Variants in NTRK3 observed in about 807,000 individuals in gnomAD.
NTRK3 encodes NT-3 growth factor receptor.
NTRK3 carries 24 observed loss-of-function variants against 91.7 expected under a neutral mutation model. The observed-to-expected ratio is 0.26, with a 90% CI of 0.19 to 0.37. The LOEUF is 0.37. Ranked by LOEUF, NTRK3 falls within the 10% of genes least tolerant of loss-of-function variation. The probability of loss-of-function intolerance (pLI) is 1.00; values close to 1 mark genes in which losing one functional copy is unlikely to be tolerated. For synonymous variants in NTRK3, 483 were observed against 404.0 expected (o/e 1.20, Z -2.34); for missense variants, 880 against 1,068.9 (o/e 0.82, Z 2.46).
exon 19 of NTRK3, chr15:87,872,631 C>A (rs1290240524): frequency 1.7e-5 from 4 of 232,012 alleles, no homozygotes; most frequent in Non-Finnish European, 3.4e-5. Flanking sequence ...AGGCCAGTGA[C>A]CTCCTGTGAA....
chr15:87,998,514 C>G (rs1459143781), intron 14 of NTRK3, among the ~76,000 whole-genome samples: 3 of 152,204 alleles, frequency 2.0e-5, no homozygotes, highest in Non-Finnish European at 4.4e-5. Context: ...TGGGAGCTCT[C>G]GTGCAAACAA....
At chr15:88,068,020 G>A (rs1020772089) in intron 13 of NTRK3, among the ~76,000 whole-genome samples, 2 of 152,122 alleles carry the variant, frequency 1.3e-5, no homozygotes, top group Admixed American at 6.5e-5. Flanking sequence ...TTACCTACAT[G>A]TATATTCCTA....
chr15:88,142,382 C>T (rs1243986100), intron 6 of NTRK3, among the ~76,000 whole-genome samples: 1 of 152,290 alleles, frequency 6.6e-6, no homozygotes, highest in African/African-American at 2.4e-5. Context: ...GGGGCCTAAT[C>T]GCAGGGCTCT....
At chr15:88,142,128 G>A (rs539376866) in intron 6 of NTRK3, among the ~76,000 whole-genome samples, 1 of 152,218 alleles carries the variant, frequency 6.6e-6, no homozygotes. Flanking sequence ...ATGGTGAGGT[G>A]GGCAAGAAGC....
At chr15:87,898,137 G>A (rs1203936300) in intron 17 of NTRK3, among the ~76,000 whole-genome samples, 3 of 152,190 alleles carry the variant, frequency 2.0e-5, no homozygotes, top group Non-Finnish European at 4.4e-5. Flanking sequence ...GATCATGTGT[G>A]TTACACAGCA....
chr15:88,013,789 C>T (rs2077044234), intron 14 of NTRK3, among the ~76,000 whole-genome samples: 2 of 152,048 alleles, frequency 1.3e-5, no homozygotes, highest in Non-Finnish European at 2.9e-5. Flanking sequence ...ATTGACTGAG[C>T]CCAGGTAGCA....
At position 88,127,841 on chromosome 15, in the gene NTRK3, G is replaced by A. The variant is rs1320693227; in HGVS notation, c.1229-615C>T. ...GACCGGGAAACACCACCTTTACCCA[G>A]CAAGGCCAGGATGGGAAGCTAAGTA... On this transcript the variant is annotated intron_variant, in intron 11 of 18. Coordinates refer to ENST00000394480, the Ensembl canonical transcript of NTRK3. 2.6e-5 allele frequency among the ~76,000 whole-genome samples: 4 copies of A among 152,304 alleles called. No homozygotes were observed. The East Asian group carries it at 7.7e-4, about 29-fold the overall frequency.
At chr15:88,138,499 G>C (rs1326668615) in intron 6 of NTRK3, among the ~76,000 whole-genome samples, 2 of 152,148 alleles carry the variant, frequency 1.3e-5, no homozygotes, top group African/African-American at 4.8e-5. Flanking sequence ...GAAAATCAAA[G>C]TCAAAGCCCT....
chr15:87,934,445 C>T (rs1177601018), intron 15 of NTRK3, among the ~76,000 whole-genome samples: 1 of 152,154 alleles, frequency 6.6e-6, no homozygotes, highest in Non-Finnish European at 1.5e-5. Context: ...GGATGACTGA[C>T]CTCTCCTATA....
chr15:88,021,195 T>C (rs2141885503), intron 14 of NTRK3, among the ~76,000 whole-genome samples: 1 of 152,328 alleles, frequency 6.6e-6, no homozygotes, highest in South Asian at 2.1e-4. Flanking sequence ...TGAAGAATGT[T>C]ACCACCCCAA....
chr15:88,116,970 C>T (rs564333957), intron 13 of NTRK3, among the ~76,000 whole-genome samples: 1 of 152,178 alleles, frequency 6.6e-6, no homozygotes, highest in Non-Finnish European at 1.5e-5. Context: ...CTGCAGACTA[C>T]ATAAATGACT....
chr15:87,919,831 A>G (rs2067728517), intron 17 of NTRK3, among the ~76,000 whole-genome samples: 1 of 152,188 alleles, frequency 6.6e-6, no homozygotes, highest in African/African-American at 2.4e-5. Flanking sequence ...TTTTATCAGG[A>G]AGGAAAAAAC....
At chr15:87,916,359 T>C (rs2141795376) in intron 17 of NTRK3, 2 of 516,732 alleles carry the variant, frequency 3.9e-6, no homozygotes, top group South Asian at 6.7e-5. Flanking sequence ...GGAGATCCTG[T>C]TATGACACAT....
intron 5 of NTRK3, among the ~76,000 whole-genome samples, chr15:88,172,211 A>G (rs1336795528): frequency 6.6e-6 from 1 of 152,252 alleles, no homozygotes; most frequent in African/African-American, 2.4e-5. Flanking sequence ...TCAAAGACCC[A>G]TTAAGAGGAA....
intron 13 of NTRK3, among the ~76,000 whole-genome samples, chr15:88,033,815 A>T (rs1236996255): frequency 6.6e-6 from 1 of 152,202 alleles, no homozygotes; most frequent in Admixed American, 6.5e-5. Flanking sequence ...GTTCAAAATA[A>T]GAGTTTTAAA....
At chr15:87,989,535 G>A (rs2075120979) in intron 14 of NTRK3, among the ~76,000 whole-genome samples, 1 of 152,118 alleles carries the variant, frequency 6.6e-6, no homozygotes, top group Non-Finnish European at 1.5e-5. Flanking sequence ...ATAGCATTAG[G>A]AGATATACCT....
At chr15:87,985,100 G>T (rs1254052945) in intron 14 of NTRK3, among the ~76,000 whole-genome samples, 1 of 152,170 alleles carries the variant, frequency 6.6e-6, no homozygotes, top group Admixed American at 6.5e-5. Context: ...TAAAGAAGTG[G>T]CTGGAAACCT....
At chr15:88,239,249 T>C (rs2052088417) in intron 3 of NTRK3, among the ~76,000 whole-genome samples, 4 of 151,974 alleles carry the variant, frequency 2.6e-5, no homozygotes. Context: ...TGAACAATGC[T>C]GAGAATGTTT....
intron 3 of NTRK3, among the ~76,000 whole-genome samples, chr15:88,221,804 A>G (rs1172983237): frequency 1.3e-5 from 2 of 152,202 alleles, no homozygotes; most frequent in East Asian, 3.8e-4. Flanking sequence ...CAAGGGCCTG[A>G]CTAGATTACA....
Sources: gnomAD v4.1 joint callset for allele counts (sites outside exome capture counted in the v4.1 genomes callset) on GRCh38, gnomAD v4.1.1 for gene constraint, MANE v1.5 for transcripts, NCBI Gene and HGNC (gene_info 2026-07-23, HGNC 2026-07-21) for gene names.